Variants in HHAT observed in about 807,000 individuals in gnomAD.
HHAT encodes protein-cysteine N-palmitoyltransferase HHAT.
HHAT carries 47 observed loss-of-function variants against 70.8 expected under a neutral mutation model. The ratio of observed to expected loss-of-function variants is 0.66; its 90% CI spans 0.53 to 0.85. The LOEUF (loss-of-function observed/expected upper bound fraction) is 0.85. Among genes scored for constraint, HHAT ranks in the 40% least tolerant of loss-of-function variants. HHAT has a pLI of 0.00. For missense variants in HHAT, 609 were observed against 604.8 expected, an observed-to-expected ratio of 1.01 and a Z score of -0.07; for synonymous variants, 228 against 247.6, an observed-to-expected ratio of 0.92 and a Z score of 0.74.
intron 11 of HHAT, among the ~76,000 whole-genome samples, chr1:210,640,932 C>T (rs1369430556): frequency 6.6e-6 from 1 of 152,162 alleles, no homozygotes; most frequent in African/African-American, 2.4e-5. Context: ...TAGTAAATGG[C>T]AGAGCTGATT....
At chr1:210,406,792 T>C (rs921187358) in intron 6 of HHAT, among the ~76,000 whole-genome samples, 1 of 152,178 alleles carries the variant, frequency 6.6e-6, no homozygotes, top group Non-Finnish European at 1.5e-5. Context: ...CCTAAATCCT[T>C]AGCCAAGGGT....
intron 11 of HHAT, among the ~76,000 whole-genome samples, chr1:210,637,844 GTGAGACTCCGTCTCAAAAAAAAAAAAA>G (rs1198672081): frequency 8.2e-6 from 1 of 122,478 alleles, no homozygotes; most frequent in Non-Finnish European, 1.7e-5. Context: ...TGGCAACAGA[GTGAGACTCCGTCTCAAAAAAAAAAAAA>G]GGGGGGGGCA....
intron 7 of HHAT, among the ~76,000 whole-genome samples, chr1:210,452,687 A>G (rs2093778567): frequency 6.6e-6 from 1 of 152,238 alleles, no homozygotes; most frequent in Non-Finnish European, 1.5e-5. Context: ...AAAGACAGTG[A>G]CTTGAGGTTT....
intron 3 of HHAT, chr1:210,374,156 G>T (rs180810557): frequency 6.6e-6 from 1 of 152,092 alleles, no homozygotes; most frequent in Non-Finnish European, 1.5e-5. Flanking sequence ...AACATGATCT[G>T]CCTCCCCAGG....
intron 7 of HHAT, among the ~76,000 whole-genome samples, chr1:210,420,967 AG>A (rs1446426173): frequency 6.6e-5 from 10 of 152,326 alleles, no homozygotes; most frequent in African/African-American, 2.4e-4. Context: ...CAGATTTATA[AG>A]AAAAATTATT....
intron 4 of HHAT, among the ~76,000 whole-genome samples, chr1:210,394,759 G>T (rs939570695): frequency 6.6e-6 from 1 of 152,172 alleles, no homozygotes; most frequent in Non-Finnish European, 1.5e-5. Flanking sequence ...CTGGAAGGCT[G>T]CAGGGAGCAG....
rs151020895 is a variant in HHAT at position 210,469,665 on chromosome 1, G to A, written c.1007+5010G>A. Among the ~76,000 whole-genome samples the A allele has an allele frequency of 1.6e-3, 247 of 152,154 alleles. 1 individual carries two copies. The highest frequency in any genetic ancestry group is 5.5e-3 in the African/African-American group (227 of 41,490). ...AAATAGAGTAAAATTTATGCCATTT[G>A]TTCGTTTGTGGTTTTATTTATGAGA... is the stretch of plus-strand genomic sequence containing the variant. On this transcript the variant is annotated intron_variant, in intron 8 of 11. Coordinates refer to ENST00000261458, the MANE Select transcript of HHAT (RefSeq NM_018194.6).
chr1:210,411,621 G>A (rs890093404), intron 6 of HHAT, among the ~76,000 whole-genome samples: 1 of 152,122 alleles, frequency 6.6e-6, no homozygotes, highest in Non-Finnish European at 1.5e-5. Flanking sequence ...CAGGCGTGGT[G>A]GTACATGCCT....
rs538819330 is a variant in HHAT at position 210,433,408 on chromosome 1, G to A, written c.856+15083G>A. Among the ~76,000 whole-genome samples the A allele has an allele frequency of 3.9e-4, 59 of 151,858 alleles. 1 individual carries two copies. Among genetic ancestry groups the A allele is most frequent in the Non-Finnish European group, 6.6e-4 (45 of 68,036 alleles). ...ATAAGGCAGCAAAGGGAAATCATGC[G>A]TCGTACATTATTGCTCCAAAAAGGG... On this transcript the variant is annotated intron_variant, in intron 7 of 11. Coordinates refer to ENST00000261458, the MANE Select transcript of HHAT (RefSeq NM_018194.6).
chr1:210,480,679 A>G (rs2094382192), intron 8 of HHAT, among the ~76,000 whole-genome samples: 1 of 152,170 alleles, frequency 6.6e-6, no homozygotes, highest in Non-Finnish European at 1.5e-5. Context: ...GAAACCTGGC[A>G]GCTGTCTACC....
At chr1:210,482,926 C>T (rs879288620) in intron 8 of HHAT, among the ~76,000 whole-genome samples, 4 of 152,198 alleles carry the variant, frequency 2.6e-5, no homozygotes, top group Non-Finnish European at 4.4e-5. Context: ...TTTCCTCATG[C>T]ACTCAAGCAA....
chr1:210,433,166 C>A (rs1418342094), intron 7 of HHAT, among the ~76,000 whole-genome samples: 1 of 151,758 alleles, frequency 6.6e-6, no homozygotes, highest in Non-Finnish European at 1.5e-5. Flanking sequence ...CCTCTGAACA[C>A]CCCAAGCTGA....
At chr1:210,607,059 G>A (rs931574804) in intron 10 of HHAT, among the ~76,000 whole-genome samples, 3 of 152,120 alleles carry the variant, frequency 2.0e-5, no homozygotes, top group African/African-American at 4.8e-5. Flanking sequence ...GGGAAACCTC[G>A]TGCTCTATAT....
intron 9 of HHAT, among the ~76,000 whole-genome samples, chr1:210,565,947 A>T (rs903360079): frequency 1.3e-5 from 2 of 152,142 alleles, no homozygotes; most frequent in East Asian, 1.9e-4. Context: ...GATCCCTTCT[A>T]GCTCTAGCGT....
intron 8 of HHAT, 75 bp downstream of exon 8, chr1:210,464,730 T>C: frequency 6.7e-7 from 1 of 1,483,924 alleles, no homozygotes; most frequent in South Asian, 1.2e-5. Flanking sequence ...CCTCAAAGGG[T>C]TCGGGCTACT....
chr1:210,604,739 G>A (rs1665035271), intron 10 of HHAT, among the ~76,000 whole-genome samples: 1 of 152,160 alleles, frequency 6.6e-6, no homozygotes, highest in Admixed American at 6.5e-5. Context: ...TTGAAAGTTG[G>A]ATGTAGTGGC....
chr1:210,362,236 C>CTTTT (rs72236593), intron 2 of HHAT, among the ~76,000 whole-genome samples: 5 of 139,674 alleles, frequency 3.6e-5, no homozygotes, highest in Non-Finnish European at 4.7e-5. Flanking sequence ...GTCAAAATTT[C>CTTTT]TTTTTTTTTT....
chr1:210,655,634 C>CT (rs1676226377), intron 11 of HHAT, among the ~76,000 whole-genome samples: 1 of 152,170 alleles, frequency 6.6e-6, no homozygotes, highest in Admixed American at 6.5e-5. Flanking sequence ...AGAGCAGGGT[C>CT]TGTAAGGCAC....
At position 210,588,099 on chromosome 1, in the gene HHAT, G is replaced by A. The variant is rs764066811; in HGVS notation, c.1245G>A (p.Leu415=). The A allele has an allele frequency of 7.5e-6, 12 of 1,598,614 alleles. No individual in the cohort carries two copies. The highest frequency in any genetic ancestry group is 1.0e-5 in the Non-Finnish European group (12 of 1,174,162). The change falls in exon 10 of 12, where the codon CTG becomes CTA. Residue 415 remains leucine, a splice_region_variant and synonymous_variant. Transcript: ENST00000261458. ...LVETPCIQDS[L]ARYFSPQARR... is the part of the protein sequence containing the mutation. ...AGACTCCCTGCATCCAGGACAGTCT[G>A]GTGAGCAGGATCCTTGCTGCTGTGT...
Sources: allele counts gnomAD v4.1 joint callset (sites outside exome capture counted in the v4.1 genomes callset), GRCh38; gene constraint gnomAD v4.1.1; transcripts MANE v1.5; gene names NCBI Gene and HGNC (gene_info 2026-07-23, HGNC 2026-07-21).